SULT1C2: variants seen among roughly 807,000 people sequenced by gnomAD.
SULT1C2 encodes sulfotransferase 1C2.
A neutral mutation model predicts 36.0 loss-of-function variants in SULT1C2; 27 were observed. The ratio of observed to expected loss-of-function variants is 0.75; its 90% CI spans 0.55 to 1.03. SULT1C2 has a LOEUF of 1.03. Among genes scored for constraint, SULT1C2 ranks in the 50% least tolerant of loss-of-function variants. The probability of loss-of-function intolerance (pLI) is 0.00; values close to 1 mark genes in which losing one functional copy is unlikely to be tolerated. For synonymous variants in SULT1C2, 121 were observed against 116.0 expected (o/e 1.04, Z -0.27); for missense variants, 395 against 359.2 (o/e 1.10, Z -0.80).
Position 108,309,290 on chromosome 2 carries a change from CCT to C in SULT1C2, c.*827_*828del, listed in dbSNP as rs1421975748. Reference sequence around the variant, plus strand: ...TTCCCATATTTGTCCCAGTTGCAGCCCTGTTGTTATGTATTTACTCTTCAATT... The same window carrying C: ...TTCCCATATTTGTCCCAGTTGCAGCCGTTGTTATGTATTTACTCTTCAATT... On this transcript the variant is annotated 3_prime_UTR_variant, in exon 8 of 8. Coordinates refer to ENST00000251481, the MANE Select transcript of SULT1C2 (RefSeq NM_001056.4). The C allele has an allele frequency of 2.0e-5, 3 of 151,980 alleles. No homozygotes were observed. Among genetic ancestry groups the C allele is most frequent in the Admixed American group, 2.0e-4 (3 of 15,222 alleles). 9.4% of individuals were successfully genotyped at this position (151,980 alleles called of 1,614,324 possible). A position where few individuals can be genotyped will look rare whatever the true frequency, so the allele number is the denominator to read the frequency against.
intron 3 of SULT1C2, 76 bp from the exon 4 acceptor site, chr2:108,300,762 T>C (rs1391585639): frequency 1.3e-6 from 2 of 1,594,274 alleles, no homozygotes; most frequent in Non-Finnish European, 1.7e-6. Flanking sequence ...TGGGATGTCC[T>C]GGACAGAGCC....
chr2:108,290,468 C>T (rs146811323), intron 1 of SULT1C2, among the ~76,000 whole-genome samples: 149 of 152,232 alleles, frequency 9.8e-4, no homozygotes, highest in Middle Eastern at 3.4e-3. Flanking sequence ...CGATAATGTC[C>T]GTCTTAGTCC....
chr2:108,302,651 C>G (rs906973240), intron 4 of SULT1C2: 1 of 151,968 alleles, frequency 6.6e-6, no homozygotes, highest in Non-Finnish European at 1.5e-5. Context: ...AGTCAGACCT[C>G]AAGAACTTCA....
intron 3 of SULT1C2, chr2:108,298,625 A>G (rs1016025718): frequency 2.8e-6 from 1 of 355,870 alleles, no homozygotes; most frequent in African/African-American, 2.3e-5. Flanking sequence ...CAAGCAATCC[A>G]CCTGCCTCAA....
chr2:108,292,717 A>AT (rs1273702126), intron 1 of SULT1C2, among the ~76,000 whole-genome samples: 1 of 152,222 alleles, frequency 6.6e-6, no homozygotes, highest in Non-Finnish European at 1.5e-5. Context: ...ATGCTGTAAC[A>AT]TTTCCTCAAA....
At chr2:108,289,663 C>A (rs146166042) in intron 1 of SULT1C2, among the ~76,000 whole-genome samples, 1,639 of 152,294 alleles carry the variant, frequency 0.011, 17 homozygotes, top group Non-Finnish European at 0.017. Context: ...TCCCTGCTGG[C>A]TGCTCAAGGG....
Position 108,305,479 on chromosome 2 carries a change from T to G in SULT1C2, c.662T>G (p.Leu221Arg). Reference sequence around the variant, plus strand: ...GGAAAGAAGGTGGATGAAACAGTGCTAGATAAAATTGTCCAGGAGACGTCA... The same window carrying G: ...GGAAAGAAGGTGGATGAAACAGTGCGAGATAAAATTGTCCAGGAGACGTCA... ...FMGKKVDETV[L>R]DKIVQETSFE... Residue 221 changes from leucine (L) to arginine (R), a missense_variant, in exon 7 of 8, where the codon CTA becomes CGA. Leu to Arg is a moderately radical substitution (Grantham distance 102, BLOSUM62 -2). Transcript: ENST00000251481. The G allele has an allele frequency of 6.2e-7, 1 of 1,614,208 alleles. No individual in the cohort carries two copies. The highest frequency in any genetic ancestry group is 1.3e-5 in the African/African-American group (1 of 75,054).
intron 1 of SULT1C2, among the ~76,000 whole-genome samples, chr2:108,292,213 AG>A (rs1676609292): frequency 6.6e-6 from 1 of 152,218 alleles, no homozygotes; most frequent in Non-Finnish European, 1.5e-5. Context: ...GCCTCAGCCC[AG>A]CGTTGGCAAA....
chr2:108,303,385 T>C (rs1676939479), intron 4 of SULT1C2: 1 of 152,438 alleles, frequency 6.6e-6, no homozygotes. Flanking sequence ...GGCAAGAGCC[T>C]TGATGTGGTT....
intron 1 of SULT1C2, among the ~76,000 whole-genome samples, chr2:108,291,702 C>T (rs1676596259): frequency 6.6e-6 from 1 of 152,268 alleles, no homozygotes; most frequent in East Asian, 1.9e-4. Flanking sequence ...TCGTGTGACT[C>T]TCAGCTTCCT....
chr2:108,297,088 C>G (rs1676750159), intron 3 of SULT1C2, among the ~76,000 whole-genome samples: 1 of 152,180 alleles, frequency 6.6e-6, no homozygotes, highest in Non-Finnish European at 1.5e-5. Context: ...TGTGTGTGAA[C>G]TGTATATAGG....
intron 1 of SULT1C2, among the ~76,000 whole-genome samples, chr2:108,292,129 T>C (rs1676607820): frequency 6.6e-6 from 1 of 152,182 alleles, no homozygotes; most frequent in South Asian, 2.1e-4. Flanking sequence ...TTACATTTTC[T>C]GTAAGGACCC....
intron 1 of SULT1C2, among the ~76,000 whole-genome samples, chr2:108,291,327 T>C (rs934373998): frequency 6.6e-6 from 1 of 152,178 alleles, no homozygotes; most frequent in Non-Finnish European, 1.5e-5. Flanking sequence ...TTAAGTGCCC[T>C]TGTGGTCACA....
rs1249514124 is a variant in SULT1C2, at chr2:108,309,505, A to C, written c.*1041A>C. On this transcript the variant is annotated 3_prime_UTR_variant, in exon 8 of 8. Coordinates refer to ENST00000251481, the MANE Select transcript of SULT1C2 (RefSeq NM_001056.4). ...TTTTGAACTTTGACCCTTTTCTTTT[A>C]GTCCCAAATAGTGGCATTCCATAGC... 1 of 152,204 alleles carries C rather than the reference A, an allele frequency of 6.6e-6. No homozygotes were observed. Among genetic ancestry groups the C allele is most frequent in the African/African-American group, 2.4e-5 (1 of 41,446 alleles). The allele number at this position is 152,204 out of a possible 1,614,324, so 9.4% of individuals were successfully genotyped here. A position where few individuals can be genotyped will look rare whatever the true frequency, so the allele number is the denominator to read the frequency against.
At position 108,305,568 on chromosome 2, in the gene SULT1C2, C is replaced by A. The variant is rs531026235; in HGVS notation, c.751C>A (p.Gln251Lys). 1.9e-6 allele frequency: 3 copies of A among 1,614,116 alleles called. No homozygotes were observed. In the South Asian group the frequency reaches 3.3e-5, roughly 18 times the overall value. Residue 251 changes from glutamine to lysine, a missense_variant, in exon 7 of 8, where the codon CAG (glutamine) becomes AAG (lysine). Gln to Lys is a moderately conservative substitution (Grantham distance 53). Coordinates refer to ENST00000251481, the MANE Select transcript of SULT1C2 (RefSeq NM_001056.4). ...TACAGTTTCCAAATCTATCTTGGAC[C>A]AGTCAATTTCCTCCTTCATGAGAAA... ...RSTVSKSILD[Q>K]SISSFMRKGT... is the part of the protein sequence containing the mutation.
intron 3 of SULT1C2, among the ~76,000 whole-genome samples, chr2:108,298,188 T>C (rs1448181272): frequency 6.6e-6 from 1 of 152,238 alleles, no homozygotes. Flanking sequence ...AGGTTTCTTA[T>C]AGCTTTCATC....
At chr2:108,295,980 G>A (rs1230946133) in intron 3 of SULT1C2, among the ~76,000 whole-genome samples, 2 of 152,204 alleles carry the variant, frequency 1.3e-5, no homozygotes, top group Non-Finnish European at 2.9e-5. Flanking sequence ...TGTAGAGATC[G>A]GGTTTCACTA....
chr2:108,307,028 TAC>T (rs1229749474), intron 7 of SULT1C2, among the ~76,000 whole-genome samples: 1 of 152,206 alleles, frequency 6.6e-6, no homozygotes, highest in Non-Finnish European at 1.5e-5. Context: ...ATTTATAACA[TAC>T]AGATTTTTTA....
chr2:108,294,537 G>A (rs1467904420), intron 3 of SULT1C2, among the ~76,000 whole-genome samples, 183 bp downstream of exon 3: 1 of 118,554 alleles, frequency 8.4e-6, no homozygotes, highest in East Asian at 2.1e-4. Context: ...CTCATCCTCT[G>A]TCTACATATT....
Sources: allele counts gnomAD v4.1 joint callset (sites outside exome capture counted in the v4.1 genomes callset), GRCh38; gene constraint gnomAD v4.1.1; transcripts MANE v1.5; gene names NCBI Gene and HGNC (gene_info 2026-07-23, HGNC 2026-07-21).